Variants in RBFOX3 observed in about 807,000 individuals in gnomAD.
RBFOX3 encodes RNA binding fox-1 homolog 3.
RBFOX3 carries 17 observed loss-of-function variants against 48.7 expected under a neutral mutation model. The ratio of observed to expected loss-of-function variants is 0.35; its 90% CI spans 0.24 to 0.52. The LOEUF (loss-of-function observed/expected upper bound fraction) is 0.52, where lower values mean the gene tolerates loss of function less well. RBFOX3 is among the 20% of genes least tolerant of loss of function. RBFOX3 has a pLI of 0.94. For synonymous variants in RBFOX3, 212 were observed against 209.5 expected (o/e 1.01, Z -0.10); for missense variants, 382 against 497.5 (o/e 0.77, Z 2.21).
At chr17:79,208,254 T>G (rs1420579897) in intron 4 of RBFOX3, among the ~76,000 whole-genome samples, 1 of 152,116 alleles carries the variant, frequency 6.6e-6, no homozygotes, top group Non-Finnish European at 1.5e-5. Context: ...GAACCAAGAC[T>G]CTTGGTCCTT....
upstream of RBFOX3, among the ~76,000 whole-genome samples, chr17:79,611,184 T>TCG (rs2093965606): frequency 8.5e-3 from 5 of 588 alleles, no homozygotes; most frequent in Non-Finnish European, 0.018. Flanking sequence ...CCGCCCTCCT[T>TCG]CTCTCTCTCT....
intron 2 of RBFOX3, among the ~76,000 whole-genome samples, chr17:79,396,203 C>G (rs569692407): frequency 6.6e-6 from 1 of 152,344 alleles, no homozygotes; most frequent in South Asian, 2.1e-4. Context: ...GCCTGGACCT[C>G]CAGTGGAAGG....
chr17:79,643,758 C>T, the RBFOX3 span, among the ~76,000 whole-genome samples: 8 of 151,910 alleles, frequency 5.3e-5, no homozygotes, highest in African/African-American at 1.7e-4. Flanking sequence ...AATGAAGAAA[C>T]AAATATCAAA....
intron 2 of RBFOX3, among the ~76,000 whole-genome samples, chr17:79,436,702 G>A (rs2069538049): frequency 6.6e-6 from 1 of 152,164 alleles, no homozygotes; most frequent in African/African-American, 2.4e-5. Flanking sequence ...TTTAAAGGGG[G>A]AAGAAAGAAG....
chr17:79,180,849 G>A (rs904515435), intron 4 of RBFOX3, among the ~76,000 whole-genome samples: 1 of 152,018 alleles, frequency 6.6e-6, no homozygotes, highest in African/African-American at 2.4e-5. Context: ...AAAGCCCGGG[G>A]CAACAGCAGG....
At chr17:79,464,350 A>T (rs771611043) in intron 2 of RBFOX3, among the ~76,000 whole-genome samples, 4 of 152,254 alleles carry the variant, frequency 2.6e-5, no homozygotes, top group Non-Finnish European at 5.9e-5. Context: ...GTTTACGTGG[A>T]CGGGCCTTTG....
chr17:79,426,100 G>A (rs901847856), intron 2 of RBFOX3, among the ~76,000 whole-genome samples: 1 of 152,122 alleles, frequency 6.6e-6, no homozygotes, highest in African/African-American at 2.4e-5. Context: ...GGGGCTTTTG[G>A]CAAGAGTGAG....
At chr17:79,613,152 G>A (rs1193599239), upstream of RBFOX3, among the ~76,000 whole-genome samples, 1 of 152,250 alleles carries the variant, frequency 6.6e-6, no homozygotes. Context: ...ATTCCTTGGG[G>A]ACGTTCTGGA....
the RBFOX3 span, among the ~76,000 whole-genome samples, chr17:79,647,060 CGTGTGT>C: frequency 3.3e-4 from 50 of 149,550 alleles, no homozygotes; most frequent in South Asian, 2.1e-3. Context: ...TTTTCACTGC[CGTGTGT>C]GTGTGTGTGT....
chr17:79,604,229 C>T (rs1323707992), intron 1 of RBFOX3, among the ~76,000 whole-genome samples: 1 of 152,210 alleles, frequency 6.6e-6, no homozygotes, highest in African/African-American at 2.4e-5. Context: ...TCAGCCACAC[C>T]TCCAGGGTGA....
At position 79,090,730 on chromosome 17, in the gene RBFOX3, C is replaced by A; in HGVS notation, c.*153G>T. 2.1e-6 allele frequency: 2 copies of A among 970,872 alleles called. No homozygotes were observed. Among genetic ancestry groups the A allele is most frequent in the African/African-American group, 3.3e-5 (2 of 59,778 alleles). 60.1% of individuals were successfully genotyped at this position (970,872 alleles called of 1,614,324 possible). A position where few individuals can be genotyped will look rare whatever the true frequency, so the allele number is the denominator to read the frequency against. On this transcript the variant is annotated 3_prime_UTR_variant, in exon 15 of 15. Transcript: ENST00000693108. ...TCGGTGCGGGCGTGTGGCCAGGACGCGGGACTTGGACTTGGTTGGATGCCT... is the reference window on the plus strand; with the variant it reads ...TCGGTGCGGGCGTGTGGCCAGGACGAGGGACTTGGACTTGGTTGGATGCCT...
chr17:79,424,587 T>C (rs1470393617), intron 2 of RBFOX3, among the ~76,000 whole-genome samples: 3 of 152,128 alleles, frequency 2.0e-5, no homozygotes, highest in Admixed American at 1.3e-4. Context: ...CCACTGAGTC[T>C]CCTTGACTAG....
At chr17:79,650,420 C>A in the RBFOX3 span, among the ~76,000 whole-genome samples, 4 of 151,962 alleles carry the variant, frequency 2.6e-5, no homozygotes, top group Admixed American at 2.6e-4. Flanking sequence ...GCCCTGGGTA[C>A]TTTAAAGGCC....
At chr17:79,612,481 C>G (rs1292822181), upstream of RBFOX3, among the ~76,000 whole-genome samples, 4 of 152,182 alleles carry the variant, frequency 2.6e-5, no homozygotes, top group Non-Finnish European at 5.9e-5. Flanking sequence ...GCTGCCCCCC[C>G]TGCAGGGCAG....
At chr17:79,522,318 G>C (rs2150003691) in intron 1 of RBFOX3, among the ~76,000 whole-genome samples, 1 of 152,076 alleles carries the variant, frequency 6.6e-6, no homozygotes, top group African/African-American at 2.4e-5. Context: ...TGAGCCTTAA[G>C]TCCACCAGTC....
At chr17:79,408,075 C>A (rs2063782367) in intron 2 of RBFOX3, among the ~76,000 whole-genome samples, 1 of 152,142 alleles carries the variant, frequency 6.6e-6, no homozygotes, top group South Asian at 2.1e-4. Context: ...AGCTGTGAGA[C>A]CCCAGGAAGC....
intron 1 of RBFOX3, among the ~76,000 whole-genome samples, chr17:79,505,668 G>A (rs1353522972): frequency 3.3e-5 from 5 of 152,358 alleles, no homozygotes; most frequent in Admixed American, 2.0e-4. Flanking sequence ...AGGTGTATGA[G>A]CCTGGAGGTG....
intron 2 of RBFOX3, among the ~76,000 whole-genome samples, chr17:79,344,600 G>T (rs1032668894): frequency 2.6e-5 from 4 of 151,476 alleles, no homozygotes; most frequent in African/African-American, 9.7e-5. Flanking sequence ...CATTGCCCAG[G>T]CTGGAGTGCG....
At chr17:79,314,832 C>T (rs539099726) in intron 2 of RBFOX3, among the ~76,000 whole-genome samples, 4 of 152,174 alleles carry the variant, frequency 2.6e-5, no homozygotes, top group South Asian at 2.1e-4. Flanking sequence ...ATGCTCAGAG[C>T]GGCCTCTGGG....
Sources: gnomAD v4.1 joint callset for allele counts (sites outside exome capture counted in the v4.1 genomes callset) on GRCh38, gnomAD v4.1.1 for gene constraint, MANE v1.5 for transcripts, NCBI Gene and HGNC (gene_info 2026-07-23, HGNC 2026-07-21) for gene names.